The following REV3L variants were observed in gnomAD, a reference collection of about 807,000 sequenced individuals.
REV3L encodes the protein DNA polymerase zeta catalytic subunit.
A neutral mutation model predicts 299.4 loss-of-function variants in REV3L; 69 were observed. That is an observed-to-expected ratio of 0.23 (90% CI 0.19 to 0.28). The LOEUF is 0.28. Among genes scored for constraint, REV3L ranks in the 10% least tolerant of loss-of-function variants. The pLI, the probability that REV3L is intolerant of heterozygous loss-of-function variation, is 1.00. For missense variants in REV3L, 3,128 were observed against 3,693.8 expected (o/e 0.85, Z 3.97); for synonymous variants, 1,238 against 1,271.4 (o/e 0.97, Z 0.56).
intron 16 of REV3L, among the ~76,000 whole-genome samples, chr6:111,362,075 A>G (rs978510203): frequency 6.6e-6 from 1 of 152,210 alleles, no homozygotes; most frequent in South Asian, 2.1e-4. Flanking sequence ...GCTTTAATAC[A>G]TATTTTTAAA....
In REV3L at chr6:111,431,565, A is replaced by G. The variant is rs1343274746; in HGVS notation, c.140-15093T>C. 5.1e-6 allele frequency: 4 copies of G among 781,962 alleles called. No individual in the cohort carries two copies. In the African/African-American group the frequency reaches 6.9e-5, roughly 13 times the overall value. 48.4% of individuals were successfully genotyped at this position (781,962 alleles called of 1,614,324 possible). On this transcript the variant is annotated intron_variant, in intron 1 of 31. Coordinates refer to ENST00000368802, the MANE Select transcript of REV3L (RefSeq NM_001372078.1). ...ACATGATCTGTCTCTTGGGTCCCTC[A>G]TACAGAGAAATGCATCTCACTGAAC...
At chr6:111,357,563 G>T (rs904849120) in intron 17 of REV3L, among the ~76,000 whole-genome samples, 2 of 152,028 alleles carry the variant, frequency 1.3e-5, no homozygotes, top group African/African-American at 4.8e-5. Flanking sequence ...CATGGTGGCG[G>T]GCACCTGTAG....
intron 18 of REV3L, among the ~76,000 whole-genome samples, chr6:111,355,515 T>C (rs1192965724): frequency 6.6e-6 from 1 of 152,174 alleles, no homozygotes; most frequent in Non-Finnish European, 1.5e-5. Flanking sequence ...AAAGTTGACA[T>C]TTAAGCATTT....
At chr6:111,427,420 C>T (rs1263399431) in intron 1 of REV3L, among the ~76,000 whole-genome samples, 1 of 152,146 alleles carries the variant, frequency 6.6e-6, no homozygotes, top group Admixed American at 6.5e-5. Flanking sequence ...TGGACAGAGA[C>T]TTCTGGTTGT....
At chr6:111,334,175 G>C (rs1231961517) in intron 22 of REV3L, among the ~76,000 whole-genome samples, 1 of 152,148 alleles carries the variant, frequency 6.6e-6, no homozygotes, top group African/African-American at 2.4e-5. Context: ...CTGACCTCAA[G>C]TGATCCCCTG....
At chr6:111,425,926 T>A (rs1407592887) in intron 1 of REV3L, among the ~76,000 whole-genome samples, 1 of 152,074 alleles carries the variant, frequency 6.6e-6, no homozygotes, top group Admixed American at 6.6e-5. Context: ...CAAGAGGGGG[T>A]ATGATACTAT....
chr6:111,390,350 T>C (rs774076923), intron 5 of REV3L, among the ~76,000 whole-genome samples, 170 bp from the exon 6 acceptor site: 20 of 151,988 alleles, frequency 1.3e-4, no homozygotes, highest in Admixed American at 2.6e-4. Flanking sequence ...TAATGAAAAA[T>C]AGGATGAGAA....
At chr6:111,399,032 A>C (rs1188740248) in intron 4 of REV3L, among the ~76,000 whole-genome samples, 2 of 152,166 alleles carry the variant, frequency 1.3e-5, no homozygotes, top group Non-Finnish European at 2.9e-5. Context: ...TCTGAAAAAA[A>C]CCCTTCTGAG....
intron 1 of REV3L, among the ~76,000 whole-genome samples, chr6:111,437,854 T>G (rs1787763260): frequency 6.6e-6 from 1 of 151,956 alleles, no homozygotes; most frequent in Non-Finnish European, 1.5e-5. Flanking sequence ...CTCAATAAAC[T>G]TACATAATTT....
intron 26 of REV3L, among the ~76,000 whole-genome samples, chr6:111,317,433 G>GT (rs533521276): frequency 1.6e-3 from 236 of 151,996 alleles, no homozygotes; most frequent in Non-Finnish European, 2.8e-3. Context: ...CCATCTGAAG[G>GT]TTTTTTTTAG....
chr6:111,371,934 C>T (rs1198959334), intron 13 of REV3L, among the ~76,000 whole-genome samples: 1 of 151,932 alleles, frequency 6.6e-6, no homozygotes, highest in Non-Finnish European at 1.5e-5. Flanking sequence ...TCAAGCGATC[C>T]TCCCACCTCG....
chr6:111,483,095 C>T lies in REV3L; in HGVS notation c.-207G>A. The stretch of plus-strand genomic sequence containing the variant: ...TCCTCAGGAGCACCCGGCAAGGGGC[C>T]GCAGGAGAGAAGCCCTCGAGCTTTC... On this transcript the variant is annotated 5_prime_UTR_variant, in exon 1 of 32. Coordinates refer to ENST00000368802, the MANE Select transcript of REV3L (RefSeq NM_001372078.1). 3.6e-6 allele frequency: 2 copies of T among 551,778 alleles called. No individual in the cohort carries two copies. The highest frequency in any genetic ancestry group is 5.9e-6 in the Non-Finnish European group (2 of 338,748). 34.2% of individuals were successfully genotyped at this position (551,778 alleles called of 1,614,324 possible).
At chr6:111,317,279 A>G (rs1309501126) in intron 26 of REV3L, among the ~76,000 whole-genome samples, 1 of 152,222 alleles carries the variant, frequency 6.6e-6, no homozygotes, top group Non-Finnish European at 1.5e-5. Context: ...GAAAAATTAA[A>G]AGAAAGGAAA....
chr6:111,431,362 T>A, intron 1 of REV3L: 1 of 993,436 alleles, frequency 1.0e-6, no homozygotes, highest in South Asian at 1.3e-5. Flanking sequence ...TGGACTCCAA[T>A]ACTTCAAGAC....
At chr6:111,330,054 G>C (rs570193810) in intron 24 of REV3L, among the ~76,000 whole-genome samples, 2 of 152,268 alleles carry the variant, frequency 1.3e-5, no homozygotes, top group South Asian at 4.1e-4. Context: ...AATTTTGTTC[G>C]AAACTTTGAC....
rs1223323594 is a variant in REV3L at position 111,358,972 on chromosome 6, T to C, written c.6922A>G (p.Thr2308Ala). 2 of 1,614,080 alleles carry C rather than the reference T, an allele frequency of 1.2e-6. No homozygotes were observed. The highest frequency in any genetic ancestry group is 1.7e-6 in the Non-Finnish European group (2 of 1,179,972). The change falls in exon 17 of 32, where the codon ACT (threonine) becomes GCT (alanine). Residue 2308 changes from threonine to alanine, a missense_variant. Thr to Ala is a moderately conservative substitution (Grantham distance 58). Around this residue, in one of 9 missense-constraint regions of REV3L, gnomAD observed 82 missense variants for 142.7 expected, o/e 0.57. Transcript: ENST00000368802. ...GGATCCGGTTCTAAGTCTCGTCTAGTTCGAGCATGCAACTCCACACTGATT... is the reference window on the plus strand; with the variant it reads ...GGATCCGGTTCTAAGTCTCGTCTAGCTCGAGCATGCAACTCCACACTGATT... ...TLISVELHAR[T>A]RRDLEPDPEF...
At chr6:111,347,406 C>T (rs1230431157) in intron 20 of REV3L, among the ~76,000 whole-genome samples, 3 of 151,954 alleles carry the variant, frequency 2.0e-5, no homozygotes, top group African/African-American at 7.2e-5. Context: ...TAACACTCTT[C>T]TATTATTTTA....
At position 111,372,703 on chromosome 6, in the gene REV3L, G is replaced by T. The variant is rs767821292; in HGVS notation, c.5652C>A (p.Pro1884=). 3.7e-6 allele frequency: 6 copies of T among 1,605,034 alleles called. No homozygotes were observed. Among genetic ancestry groups the T allele is most frequent in the Non-Finnish European group, 5.1e-6 (6 of 1,176,208 alleles). Residue 1884 remains proline, a synonymous_variant, in exon 13 of 32, where the codon CCC becomes CCA. Transcript: ENST00000368802. ...TTGCCATAATTTCTTCCCTACTTGGGGGGGACATAAGTGGTTTCAGAATGT... is the reference window on the plus strand; with the variant it reads ...TTGCCATAATTTCTTCCCTACTTGGTGGGGACATAAGTGGTTTCAGAATGT... ...TANILKPLMS[P]PSREEIMATL... is the part of the protein sequence containing the mutation.
At chr6:111,450,703 A>T (rs1449456642) in intron 1 of REV3L, among the ~76,000 whole-genome samples, 1 of 152,136 alleles carries the variant, frequency 6.6e-6, no homozygotes, top group East Asian at 1.9e-4. Flanking sequence ...GAAAGTAATG[A>T]GAAAAGCTGT....
Sources: allele counts gnomAD v4.1 joint callset (sites outside exome capture counted in the v4.1 genomes callset), GRCh38; gene constraint gnomAD v4.1.1; regional missense constraint gnomAD v4.1.1; transcripts MANE v1.5; gene names NCBI Gene and HGNC (gene_info 2026-07-23, HGNC 2026-07-21).